DDX60L: variants seen among roughly 807,000 people sequenced by gnomAD.
DDX60L encodes the protein probable ATP-dependent RNA helicase DDX60-like.
DDX60L carries 191 observed loss-of-function variants against 211.6 expected under a neutral mutation model. That is an observed-to-expected ratio of 0.90 (90% CI 0.80 to 1.02). The LOEUF is 1.02. Ranked by LOEUF, DDX60L falls within the 50% of genes least tolerant of loss-of-function variation. The probability of loss-of-function intolerance (pLI) is 0.00; values close to 1 mark genes in which losing one functional copy is unlikely to be tolerated. For missense variants in DDX60L, 2,007 were observed against 1,984.1 expected (o/e 1.01, Z -0.22); for synonymous variants, 706 against 694.1 (o/e 1.02, Z -0.27).
rs1302513732 is a variant in DDX60L, at chr4:168,357,911, C to T, written c.*236G>A. ...TTCTTACATTATCTCATTTAATCCT[C>T]AAAACAACTAGAGGTATTCATTTTT... On this transcript the variant is annotated 3_prime_UTR_variant, in exon 38 of 38. Transcript: ENST00000682922. 8.1e-6 allele frequency: 3 copies of T among 370,164 alleles called. No homozygotes were observed. The highest frequency in any genetic ancestry group is 6.5e-5 in the African/African-American group (3 of 46,406). 22.9% of individuals were successfully genotyped at this position (370,164 alleles called of 1,614,324 possible). A position where few individuals can be genotyped will look rare whatever the true frequency, so the allele number is the denominator to read the frequency against.
intron 29 of DDX60L, chr4:168,390,481 C>A: frequency 1.4e-6 from 2 of 1,384,780 alleles, no homozygotes; most frequent in Non-Finnish European, 9.3e-7. Flanking sequence ...AACTCCTTTT[C>A]TCTGTAAAAT....
chr4:168,433,260 T>C, intron 10 of DDX60L, 145 bp from the exon 11 acceptor site: 3 of 581,724 alleles, frequency 5.2e-6, no homozygotes, highest in Admixed American at 3.1e-5. Context: ...AAATGAGATA[T>C]TCCTCAAAGC....
At chr4:168,476,343 TAATA>T (rs1413128430) in intron 1 of DDX60L, among the ~76,000 whole-genome samples, 2 of 152,102 alleles carry the variant, frequency 1.3e-5, no homozygotes, top group Non-Finnish European at 2.9e-5. Context: ...TTGAAACATC[TAATA>T]AATTAATGGA....
At chr4:168,462,767 C>A (rs1301834863) in intron 4 of DDX60L, among the ~76,000 whole-genome samples, 1 of 151,986 alleles carries the variant, frequency 6.6e-6, no homozygotes, top group Non-Finnish European at 1.5e-5. Flanking sequence ...GAGCCGAGAT[C>A]ATGCCACTGC....
chr4:168,477,212 G>C (rs554565385), intron 1 of DDX60L, among the ~76,000 whole-genome samples: 5 of 152,032 alleles, frequency 3.3e-5, no homozygotes, highest in African/African-American at 9.7e-5. Context: ...TCAGGAGATC[G>C]AGACCATCCT....
At chr4:168,413,451 C>T (rs1273477905) in intron 22 of DDX60L, among the ~76,000 whole-genome samples, 1 of 151,880 alleles carries the variant, frequency 6.6e-6, no homozygotes, top group Non-Finnish European at 1.5e-5. Flanking sequence ...GGATTTATCA[C>T]AGCAATGTAG....
chr4:168,394,914 C>T (rs1216337578), intron 27 of DDX60L, among the ~76,000 whole-genome samples: 1 of 152,202 alleles, frequency 6.6e-6, no homozygotes, highest in Non-Finnish European at 1.5e-5. Context: ...GAGAGACAGA[C>T]TACTTCTCTA....
chr4:168,412,515 A>T (rs571216535), intron 22 of DDX60L, among the ~76,000 whole-genome samples: 2 of 152,126 alleles, frequency 1.3e-5, no homozygotes, highest in South Asian at 4.2e-4. Context: ...TTGTGGGAAA[A>T]AAAAAGGGAA....
At chr4:168,373,850 G>A (rs538038819) in intron 34 of DDX60L, 42 bp from the exon 35 acceptor site, 4 of 1,594,954 alleles carry the variant, frequency 2.5e-6, no homozygotes, top group Non-Finnish European at 3.4e-6. Flanking sequence ...TTAAAAATCA[G>A]CCCAAATGTT....
intron 8 of DDX60L, among the ~76,000 whole-genome samples, chr4:168,450,376 T>G (rs938989543): frequency 6.6e-6 from 1 of 151,910 alleles, no homozygotes; most frequent in African/African-American, 2.4e-5. Flanking sequence ...CTTGGCTCAC[T>G]GGCTTCCCCC....
intron 34 of DDX60L, 100 bp from the exon 35 acceptor site, chr4:168,373,908 T>G: frequency 1.6e-6 from 2 of 1,214,184 alleles, no homozygotes; most frequent in Non-Finnish European, 2.3e-6. Context: ...GTGACATTCA[T>G]CTCATCAGAA....
At chr4:168,371,864 T>A (rs929321774) in intron 35 of DDX60L, 101 bp from the exon 36 acceptor site, 2 of 1,179,226 alleles carry the variant, frequency 1.7e-6, no homozygotes, top group Non-Finnish European at 2.3e-6. Flanking sequence ...TAAAGTACGT[T>A]CTGAAGAAGT....
intron 29 of DDX60L, among the ~76,000 whole-genome samples, chr4:168,385,782 T>G (rs868253869): frequency 6.6e-6 from 1 of 152,128 alleles, no homozygotes; most frequent in African/African-American, 2.4e-5. Flanking sequence ...GCAGTTTGCG[T>G]TTTGCTCATA....
chr4:168,386,718 A>G (rs966967737), intron 29 of DDX60L, among the ~76,000 whole-genome samples: 1 of 152,158 alleles, frequency 6.6e-6, no homozygotes, highest in Non-Finnish European at 1.5e-5. Context: ...GGGCCAGGTG[A>G]GCCTGCCTCT....
At chr4:168,442,354 C>T (rs375689909) in intron 9 of DDX60L, among the ~76,000 whole-genome samples, 2 of 151,792 alleles carry the variant, frequency 1.3e-5, no homozygotes, top group South Asian at 2.1e-4. Context: ...GAGGGTCCTA[C>T]GCCCACGGAG....
At chr4:168,420,188 G>A in intron 18 of DDX60L, 73 bp downstream of exon 18, 1 of 1,249,620 alleles carries the variant, frequency 8.0e-7, no homozygotes, top group Non-Finnish European at 1.1e-6. Flanking sequence ...GTGTTTTGCA[G>A]ATTCCCAGCA....
intron 3 of DDX60L, among the ~76,000 whole-genome samples, chr4:168,472,200 A>C (rs1320118526): frequency 6.6e-6 from 1 of 152,208 alleles, no homozygotes; most frequent in Non-Finnish European, 1.5e-5. Flanking sequence ...GAACTTGAGA[A>C]TATGATTCTA....
At position 168,406,670 on chromosome 4, in the gene DDX60L, T is replaced by G; in HGVS notation, c.3016A>C (p.Thr1006Pro). 6.2e-7 allele frequency: 1 copy of G among 1,606,966 alleles called. No individual in the cohort carries two copies. The highest frequency in any genetic ancestry group is 8.5e-7 in the Non-Finnish European group (1 of 1,176,856). ...TAAAGCTGGATGCTTTCTTGAGGGG[T>G]GAGGGTAAGATCAGGTGGGAATCCA... ...KYGFPPDLTL[T>P]PQESIQLYDT... Residue 1006 changes from threonine to proline, a missense_variant, in exon 23 of 38, where the codon ACC (threonine) becomes CCC (proline). Coordinates refer to ENST00000682922, the MANE Select transcript of DDX60L (RefSeq NM_001012967.3).
At chr4:168,449,652 C>CAAAAAAAAAAAAAAAAAAAAAATAAAAAA in intron 8 of DDX60L, among the ~76,000 whole-genome samples, 1 of 7,936 alleles carries the variant, frequency 1.3e-4, no homozygotes, top group African/African-American at 6.1e-4. Context: ...AAAAAAAATG[C>CAAAAAAAAAAAAAAAAAAAAAATAAAAAA]AAAAAAAAAA....
Sources: gnomAD v4.1 joint callset for allele counts (sites outside exome capture counted in the v4.1 genomes callset) on GRCh38, gnomAD v4.1.1 for gene constraint, MANE v1.5 for transcripts, NCBI Gene and HGNC (gene_info 2026-07-23, HGNC 2026-07-21) for gene names.